STAU2: variants seen among roughly 807,000 people sequenced by gnomAD.
STAU2 encodes the protein double-stranded RNA-binding protein Staufen homolog 2.
STAU2 carries 20 observed loss-of-function variants against 65.9 expected under a neutral mutation model. That is an observed-to-expected ratio of 0.30 (90% CI 0.21 to 0.44). STAU2 has a LOEUF of 0.44. Among genes scored for constraint, STAU2 ranks in the 20% least tolerant of loss-of-function variants. STAU2 has a pLI of 1.00. For synonymous variants in STAU2, 232 were observed against 233.9 expected (o/e 0.99, Z 0.07); for missense variants, 558 against 683.9 (o/e 0.82, Z 2.05).
chr8:73,685,077 T>A (rs1337057443), intron 5 of STAU2, among the ~76,000 whole-genome samples: 5 of 152,194 alleles, frequency 3.3e-5, no homozygotes, highest in African/African-American at 1.2e-4. Context: ...GATAGTTTTG[T>A]AAGGGTTTGG....
intron 5 of STAU2, among the ~76,000 whole-genome samples, chr8:73,681,129 A>G (rs932230657): frequency 6.6e-6 from 1 of 152,152 alleles, no homozygotes; most frequent in Admixed American, 6.6e-5. Context: ...CAGGGAATTC[A>G]TTGCAAAAAG....
chr8:73,576,581 T>C lies in STAU2; in HGVS notation c.1222+6189A>G, dbSNP rs114765791. Among the ~76,000 whole-genome samples, 508 of 152,224 alleles carry C rather than the reference T, an allele frequency of 3.3e-3. 1 individual carries two copies. The highest frequency in any genetic ancestry group is 0.011 in the African/African-American group (477 of 41,520). ...AGAGGAGAACAAAGGTGAAGGTAAA[T>C]ATATTGGTAATGTCTAGTTCTTAAA... On this transcript the variant is annotated intron_variant, in intron 12 of 14. Coordinates refer to ENST00000524300, the MANE Select transcript of STAU2 (RefSeq NM_001164380.2).
At chr8:73,714,348 A>C (rs942643879) in intron 3 of STAU2, among the ~76,000 whole-genome samples, 10 of 152,208 alleles carry the variant, frequency 6.6e-5, no homozygotes, top group African/African-American at 2.4e-4. Flanking sequence ...GCCTTCTAGG[A>C]GCAATCTGAC....
rs183624402 is a variant in STAU2, at chr8:73,666,494, G to C, written c.410+6613C>G. Among the ~76,000 whole-genome samples, 162 of 152,278 alleles carry C rather than the reference G, an allele frequency of 1.1e-3. 1 individual carries two copies. Among genetic ancestry groups the C allele is most frequent in the African/African-American group, 3.7e-3 (155 of 41,568 alleles). On this transcript the variant is annotated intron_variant, in intron 6 of 14. Coordinates refer to ENST00000524300, the MANE Select transcript of STAU2 (RefSeq NM_001164380.2). ...ACAATGAAAAACCAAGAAGCCTTAA[G>C]TAAGTGTCTAATTCTGGCCATAGAA... is the stretch of plus-strand genomic sequence containing the variant.
chr8:73,652,963 T>C (rs911730696), intron 6 of STAU2: 1 of 152,056 alleles, frequency 6.6e-6, no homozygotes, highest in Admixed American at 6.5e-5. Flanking sequence ...AAACTCGATG[T>C]TTTCCACAGT....
intron 11 of STAU2, among the ~76,000 whole-genome samples, chr8:73,592,336 T>C (rs1412368805): frequency 6.6e-6 from 1 of 152,012 alleles, no homozygotes; most frequent in Non-Finnish European, 1.5e-5. Context: ...TTTGCCACTA[T>C]TAAAAGAAAA....
At chr8:73,615,185 T>C (rs912755682) in intron 8 of STAU2, among the ~76,000 whole-genome samples, 1 of 152,280 alleles carries the variant, frequency 6.6e-6, no homozygotes, top group South Asian at 2.1e-4. Context: ...ATTTTATGAA[T>C]ATATTTGCAA....
chr8:73,483,605 A>G (rs4737384), intron 13 of STAU2, among the ~76,000 whole-genome samples: 77,927 of 151,958 alleles, frequency 0.51, 20,289 homozygotes, highest in Admixed American at 0.63. Context: ...AAACATTTGG[A>G]ACAAGAAGGA....
At chr8:73,552,773 C>T (rs6985706) in intron 12 of STAU2, among the ~76,000 whole-genome samples, 2 of 152,148 alleles carry the variant, frequency 1.3e-5, no homozygotes, top group African/African-American at 4.8e-5. Context: ...GAGGTACAAA[C>T]GCATGTATTC....
chr8:73,537,145 T>C (rs998511937), intron 13 of STAU2, among the ~76,000 whole-genome samples: 3 of 151,932 alleles, frequency 2.0e-5, no homozygotes, highest in Non-Finnish European at 4.4e-5. Flanking sequence ...GAAGAAAGTA[T>C]CACTGAACTT....
intron 13 of STAU2, among the ~76,000 whole-genome samples, chr8:73,456,686 C>T (rs1444982484): frequency 1.3e-5 from 2 of 152,126 alleles, no homozygotes; most frequent in Non-Finnish European, 2.9e-5. Context: ...CTCTTCCTAC[C>T]GTTCCTATGT....
chr8:73,649,903 ATATATG>A (rs1815727355), intron 6 of STAU2, among the ~76,000 whole-genome samples: 1 of 139,350 alleles, frequency 7.2e-6, no homozygotes, highest in African/African-American at 2.7e-5. Flanking sequence ...ATATATATAT[ATATATG>A]GTGCAAAGAT....
chr8:73,565,334 T>C (rs1808523926), intron 12 of STAU2, among the ~76,000 whole-genome samples: 4 of 152,138 alleles, frequency 2.6e-5, no homozygotes, highest in Admixed American at 2.0e-4. Flanking sequence ...TGTGAAGATG[T>C]GCTTGCTTCC....
chr8:73,497,089 T>A (rs1299804707), intron 13 of STAU2, among the ~76,000 whole-genome samples: 1 of 151,794 alleles, frequency 6.6e-6, no homozygotes, highest in Non-Finnish European at 1.5e-5. Context: ...AAATTCTGGA[T>A]GATTTTTTTC....
intron 13 of STAU2, among the ~76,000 whole-genome samples, chr8:73,475,334 C>T (rs1468445764): frequency 2.6e-5 from 4 of 152,178 alleles, no homozygotes; most frequent in African/African-American, 4.8e-5. Flanking sequence ...CTTGCTTTGA[C>T]GTGTGCTCTG....
At chr8:73,538,735 A>C (rs1806341475) in intron 13 of STAU2, among the ~76,000 whole-genome samples, 1 of 152,122 alleles carries the variant, frequency 6.6e-6, no homozygotes. Flanking sequence ...ATGGGGACCA[A>C]GAAACTTAAA....
chr8:73,717,550 AATT>A (rs1821334964), intron 3 of STAU2, among the ~76,000 whole-genome samples: 1 of 152,182 alleles, frequency 6.6e-6, no homozygotes, highest in African/African-American at 2.4e-5. Context: ...TCTTTGTCAA[AATT>A]ATTAGTTATC....
intron 3 of STAU2, chr8:73,732,997 G>A (rs745350055): frequency 2.0e-5 from 3 of 150,710 alleles, no homozygotes; most frequent in Admixed American, 6.6e-5. Context: ...TTGTTTCTTG[G>A]TAGTCATACT....
intron 6 of STAU2, chr8:73,653,317 T>C (rs1227061656): frequency 6.6e-6 from 1 of 152,256 alleles, no homozygotes; most frequent in African/African-American, 2.4e-5. Flanking sequence ...CTAAGAATTG[T>C]GGCATTTTCT....
Sources: gnomAD v4.1 joint callset for allele counts (sites outside exome capture counted in the v4.1 genomes callset) on GRCh38, gnomAD v4.1.1 for gene constraint, MANE v1.5 for transcripts, NCBI Gene and HGNC (gene_info 2026-07-23, HGNC 2026-07-21) for gene names.